RNPC3: variants seen among roughly 807,000 people sequenced by gnomAD.
The protein encoded by RNPC3 is RNA-binding region-containing protein 3.
Under a neutral mutation model 67.5 loss-of-function variants are expected in RNPC3, and 48 were observed. The ratio of observed to expected loss-of-function variants is 0.71; its 90% CI spans 0.56 to 0.90. The LOEUF (loss-of-function observed/expected upper bound fraction) is 0.90. Among genes scored for constraint, RNPC3 ranks in the 40% least tolerant of loss-of-function variants. The probability of loss-of-function intolerance (pLI) is 0.00; values close to 1 mark genes in which losing one functional copy is unlikely to be tolerated. For synonymous variants in RNPC3, 239 were observed against 210.3 expected (o/e 1.14, Z -1.18); for missense variants, 637 against 626.1 (o/e 1.02, Z -0.19).
intron 14 of RNPC3, chr1:103,554,449 A>C (rs1651483276): frequency 6.6e-6 from 1 of 152,550 alleles, no homozygotes; most frequent in Non-Finnish European, 1.5e-5. Context: ...TGTTGGAATA[A>C]ACCTCTCAAA....
intron 10 of RNPC3, 64 bp from the exon 11 acceptor site, chr1:103,546,184 T>C: frequency 2.6e-6 from 2 of 756,724 alleles, no homozygotes; most frequent in East Asian, 3.2e-5. Context: ...AAAATTGTAA[T>C]TATCTTTAAA....
chr1:103,531,593 A>G (rs892636778), intron 2 of RNPC3, among the ~76,000 whole-genome samples: 2 of 152,186 alleles, frequency 1.3e-5, no homozygotes, highest in Admixed American at 6.5e-5. Context: ...TTCCATGATC[A>G]TTAGTGATGT....
chr1:103,536,407 T>C (rs934729884), intron 6 of RNPC3, among the ~76,000 whole-genome samples: 1 of 152,172 alleles, frequency 6.6e-6, no homozygotes, highest in African/African-American at 2.4e-5. Flanking sequence ...AGGCTATCAT[T>C]TCATCCAGTG....
At chr1:103,546,760 G>T (rs925351361) in intron 11 of RNPC3, 2 of 422,348 alleles carry the variant, frequency 4.7e-6, no homozygotes, top group African/African-American at 4.1e-5. Context: ...TCCTTGGCTT[G>T]TGGAAGCATC....
chr1:103,535,257 C>A, intron 4 of RNPC3, 73 bp from the exon 5 acceptor site: 1 of 891,588 alleles, frequency 1.1e-6, no homozygotes. Context: ...TGTTTGTTAT[C>A]AGGTTACCTA....
chr1:103,545,282 A>C (rs1020299709), intron 10 of RNPC3, 180 bp downstream of exon 10: 16 of 502,268 alleles, frequency 3.2e-5, no homozygotes, highest in Non-Finnish European at 5.0e-5. Flanking sequence ...TTTATAGTGG[A>C]GGGAACGTTC....
intron 7 of RNPC3, among the ~76,000 whole-genome samples, chr1:103,538,570 G>A (rs1651049904): frequency 6.6e-6 from 1 of 152,152 alleles, no homozygotes; most frequent in Non-Finnish European, 1.5e-5. Context: ...GTAATGTATT[G>A]ATCAGATGAC....
At chr1:103,550,576 G>C (rs1485026100) in intron 12 of RNPC3, among the ~76,000 whole-genome samples, 1 of 148,952 alleles carries the variant, frequency 6.7e-6, no homozygotes, top group Non-Finnish European at 1.5e-5. Context: ...GGGAGATGGA[G>C]CTTGCAGTGA....
chr1:103,533,301 A>C (rs1650906162), intron 2 of RNPC3, among the ~76,000 whole-genome samples: 1 of 152,064 alleles, frequency 6.6e-6, no homozygotes, highest in South Asian at 2.1e-4. Context: ...GAATACAAGA[A>C]AAATATTGTG....
intron 13 of RNPC3, 129 bp downstream of exon 13, chr1:103,551,202 A>G (rs953289790): frequency 6.2e-5 from 46 of 737,890 alleles, no homozygotes; most frequent in Non-Finnish European, 7.6e-5. Flanking sequence ...ATTCGTTACA[A>G]TTAAACCCAC....
intron 9 of RNPC3, 73 bp downstream of exon 9, chr1:103,543,520 T>G: frequency 8.9e-7 from 1 of 1,128,624 alleles, no homozygotes; most frequent in Non-Finnish European, 1.2e-6. Flanking sequence ...CATATAATGT[T>G]TCATATTTTA....
At chr1:103,529,048 T>A (rs1199745577) in intron 2 of RNPC3, among the ~76,000 whole-genome samples, 1 of 152,198 alleles carries the variant, frequency 6.6e-6, no homozygotes, top group Non-Finnish European at 1.5e-5. Flanking sequence ...TATGGAATGA[T>A]AGCCCAGATA....
In RNPC3 at chr1:103,526,163, C is replaced by A. The variant is rs763203929; in HGVS notation, c.93C>A (p.Val31=). 6 of 1,551,438 alleles carry A rather than the reference C, an allele frequency of 3.9e-6. No individual in the cohort carries two copies. Among genetic ancestry groups the A allele is most frequent in the Non-Finnish European group, 1.7e-6 (2 of 1,146,928 alleles). ...SPPRGDRTLL[V]RHLPAELTAE... ...CTCGGGGCGACCGAACCCTTCTGGT[C>A]AGGCACCTGCCGGCTGAGCTTACTG... The change falls in exon 1 of 15, where the codon GTC becomes GTA. Residue 31 remains valine, a synonymous_variant. Transcript: ENST00000423855.
chr1:103,546,989 AT>A lies in RNPC3; in HGVS notation c.1320del (p.Phe440LeufsTer20). ...KHVQEKDLKY[I>X]FGRYVDFSSE... ...ATTGAAATTCTAGGACCTTAAATAT[AT>A]TTTTGGAAGATATGTTGACTTTTCA... On this transcript the variant is annotated frameshift_variant, in exon 12 of 15. Transcript: ENST00000423855. LOFTEE classifies it high-confidence loss of function. The A allele has an allele frequency of 6.7e-7, 1 of 1,486,746 alleles. No homozygotes were observed. The highest frequency in any genetic ancestry group is 9.0e-7 in the Non-Finnish European group (1 of 1,107,918). 92.1% of individuals were successfully genotyped at this position (1,486,746 alleles called of 1,614,324 possible).
chr1:103,531,744 T>C lies in RNPC3; in HGVS notation c.241-1995T>C, dbSNP rs1041495554. 1.1e-4 allele frequency among the ~76,000 whole-genome samples: 17 copies of C among 152,280 alleles called. No individual in the cohort carries two copies. In the East Asian group the frequency reaches 3.1e-3, roughly 28 times the overall value. ...AGATTCTGGACATTAGTGGTTTTTT[T>C]GGATGTATAGATTGCAAATATTTTC... On this transcript the variant is annotated intron_variant, in intron 2 of 14. Coordinates refer to ENST00000423855, the MANE Select transcript of RNPC3 (RefSeq NM_017619.4).
At chr1:103,529,558 T>TA (rs1303504777) in intron 2 of RNPC3, among the ~76,000 whole-genome samples, 10 of 152,122 alleles carry the variant, frequency 6.6e-5, no homozygotes, top group Admixed American at 3.3e-4. Flanking sequence ...GAGTTAACAT[T>TA]AAAAATGAAA....
chr1:103,534,313 C>CTTGA (rs902859931), intron 3 of RNPC3, among the ~76,000 whole-genome samples: 7 of 151,980 alleles, frequency 4.6e-5, no homozygotes, highest in African/African-American at 1.7e-4. Flanking sequence ...AATACAGAAC[C>CTTGA]TTGAGCTTTA....
intron 1 of RNPC3, among the ~76,000 whole-genome samples, 175 bp from the exon 2 acceptor site, chr1:103,527,520 A>G (rs1205338395): frequency 6.6e-6 from 1 of 152,218 alleles, no homozygotes; most frequent in East Asian, 1.9e-4. Flanking sequence ...AGTCTGACTC[A>G]AAAAGTATTG....
intron 2 of RNPC3, among the ~76,000 whole-genome samples, chr1:103,531,158 C>G (rs1177318459): frequency 6.6e-6 from 1 of 152,112 alleles, no homozygotes. Context: ...ATCTAGGTTG[C>G]TGCAAATGCC....
Sources: allele counts gnomAD v4.1 joint callset (sites outside exome capture counted in the v4.1 genomes callset), GRCh38; gene constraint gnomAD v4.1.1; transcripts MANE v1.5; gene names NCBI Gene and HGNC (gene_info 2026-07-23, HGNC 2026-07-21).